Variants in KLHL1 observed in about 807,000 individuals in gnomAD.
The protein encoded by KLHL1 is kelch-like protein 1.
Under a neutral mutation model 77.7 loss-of-function variants are expected in KLHL1, and 47 were observed. That is an observed-to-expected ratio of 0.60 (90% CI 0.48 to 0.77). KLHL1 has a LOEUF of 0.77. KLHL1 is among the 30% of genes least tolerant of loss of function. The probability of loss-of-function intolerance (pLI) is 0.00; values close to 1 mark genes in which losing one functional copy is unlikely to be tolerated. For synonymous variants in KLHL1, 360 were observed against 325.2 expected, an observed-to-expected ratio of 1.11 and a Z score of -1.15; for missense variants, 925 against 910.8, an observed-to-expected ratio of 1.02 and a Z score of -0.20.
At chr13:69,949,117 G>A (rs56378647) in intron 3 of KLHL1, among the ~76,000 whole-genome samples, 2 of 151,480 alleles carry the variant, frequency 1.3e-5, no homozygotes, top group East Asian at 1.9e-4. Flanking sequence ...TCTTACATTC[G>A]TATGATATAC....
chr13:69,999,318 G>A (rs187401806), intron 1 of KLHL1, among the ~76,000 whole-genome samples: 1 of 150,040 alleles, frequency 6.7e-6, no homozygotes, highest in African/African-American at 2.4e-5. Flanking sequence ...ATCATCGGTG[G>A]TCACCTAAGT....
intron 3 of KLHL1, among the ~76,000 whole-genome samples, chr13:69,957,048 A>G (rs1369706919): frequency 1.3e-5 from 2 of 151,724 alleles, no homozygotes; most frequent in South Asian, 4.1e-4. Flanking sequence ...GACGCATGCA[A>G]TAACTCCTGA....
At chr13:69,961,252 G>A in intron 3 of KLHL1, 56 bp downstream of exon 3, 2 of 1,530,522 alleles carry the variant, frequency 1.3e-6, no homozygotes, top group Admixed American at 1.8e-5. Context: ...GTACTTAAAG[G>A]AAATGAGCTA....
intron 5 of KLHL1, among the ~76,000 whole-genome samples, chr13:69,873,410 A>G (rs936482072): frequency 9.2e-5 from 14 of 152,158 alleles, no homozygotes; most frequent in Non-Finnish European, 2.1e-4. Flanking sequence ...GTATTAGAGG[A>G]ACTTTGATAT....
At chr13:69,909,535 AT>A (rs1343281165) in intron 4 of KLHL1, among the ~76,000 whole-genome samples, 4 of 151,344 alleles carry the variant, frequency 2.6e-5, no homozygotes, top group African/African-American at 7.3e-5. Context: ...TTTGGGGATA[AT>A]TTTTTTTTAA....
intron 6 of KLHL1, among the ~76,000 whole-genome samples, chr13:69,818,929 C>G (rs998823751): frequency 3.3e-5 from 5 of 152,136 alleles, no homozygotes. Context: ...AAAAGTCATA[C>G]AGTATTTTAA....
chr13:69,771,298 T>C (rs1476902049), intron 7 of KLHL1, among the ~76,000 whole-genome samples: 1 of 149,806 alleles, frequency 6.7e-6, no homozygotes, highest in Non-Finnish European at 1.5e-5. Context: ...AAAAACATGC[T>C]CTTCTTCTTT....
chr13:69,925,061 A>G (rs7325599), intron 4 of KLHL1, among the ~76,000 whole-genome samples: 133,048 of 152,204 alleles, frequency 0.87, 59,191 homozygotes, highest in Non-Finnish European at 0.97. Context: ...TGGTAGTGCA[A>G]GCTGGGGACA....
chr13:69,754,667 A>G lies in KLHL1; in HGVS notation c.1640-14111T>C, dbSNP rs1874630728. On this transcript the variant is annotated intron_variant, in intron 7 of 10. Coordinates refer to ENST00000377844, the MANE Select transcript of KLHL1 (RefSeq NM_020866.3). ...CATATTGCCACTAGAAAAAAAAATC[A>G]TCCTAATACAAATGCCATCAGGCAC... 2.6e-5 allele frequency among the ~76,000 whole-genome samples: 4 copies of G among 152,256 alleles called. No homozygotes were observed. In the South Asian group the frequency reaches 6.2e-4, roughly 24 times the overall value.
Position 69,772,992 on chromosome 13 carries a change from A to G in KLHL1, c.1639+23746T>C, listed in dbSNP as rs143748728. On this transcript the variant is annotated intron_variant, in intron 7 of 10. Transcript: ENST00000377844. ...ATTCTTGAAAAGCAAGAATAATTTCAGGAAGATCCGAGTGAGAAAGCATTT... is the reference window on the plus strand; with the variant it reads ...ATTCTTGAAAAGCAAGAATAATTTCGGGAAGATCCGAGTGAGAAAGCATTT... Among the ~76,000 whole-genome samples the G allele has an allele frequency of 7.4e-4, 112 of 152,242 alleles. 1 individual carries two copies. Among genetic ancestry groups the G allele is most frequent in the African/African-American group, 2.6e-3 (110 of 41,578 alleles).
chr13:69,839,046 A>C lies in KLHL1; in HGVS notation c.1344T>G (p.Ser448Arg). The C allele has an allele frequency of 6.2e-7, 1 of 1,611,322 alleles. No homozygotes were observed. The highest frequency in any genetic ancestry group is 8.5e-7 in the Non-Finnish European group (1 of 1,178,412). Residue 448 changes from serine (S) to arginine (R), a missense_variant, in exon 6 of 11, where the codon AGT becomes AGG. Coordinates refer to ENST00000377844, the MANE Select transcript of KLHL1 (RefSeq NM_020866.3). The stretch of plus-strand genomic sequence containing the variant: ...TAGATTTTCTGGGTTTAGTTCTCGG[A>C]CTTTGCATTAAAGTTCTTCTTTCTG... ...LLPERRTLMQSPRTKPRKSTV... is the reference protein window; with the variant it reads ...LLPERRTLMQRPRTKPRKSTV...
chr13:69,964,957 C>T (rs1474678972), intron 2 of KLHL1, among the ~76,000 whole-genome samples: 1 of 151,928 alleles, frequency 6.6e-6, no homozygotes, highest in Non-Finnish European at 1.5e-5. Flanking sequence ...TACTATACTA[C>T]CCCCACAAAA....
intron 1 of KLHL1, among the ~76,000 whole-genome samples, chr13:70,099,292 C>T (rs1887868791): frequency 6.6e-6 from 1 of 151,294 alleles, no homozygotes; most frequent in Admixed American, 6.6e-5. Flanking sequence ...AAAATTCTGC[C>T]CCATTAATGT....
chr13:69,875,263 T>C (rs1423962763), intron 5 of KLHL1, among the ~76,000 whole-genome samples: 1 of 152,016 alleles, frequency 6.6e-6, no homozygotes, highest in South Asian at 2.1e-4. Flanking sequence ...AATAACTACA[T>C]ATTATGTTGG....
intron 2 of KLHL1, among the ~76,000 whole-genome samples, chr13:69,961,766 C>T (rs1459245966): frequency 6.6e-6 from 1 of 151,548 alleles, no homozygotes; most frequent in Non-Finnish European, 1.5e-5. Flanking sequence ...ACTTTCCCCC[C>T]TAAACTATCG....
chr13:69,800,567 CTTTTT>C (rs1049706791), intron 6 of KLHL1, among the ~76,000 whole-genome samples: 2 of 152,040 alleles, frequency 1.3e-5, no homozygotes, highest in African/African-American at 4.8e-5. Context: ...ATTTTGTCTT[CTTTTT>C]AAGAATAATA....
At chr13:69,874,523 C>G (rs1002607976) in intron 5 of KLHL1, among the ~76,000 whole-genome samples, 1 of 152,018 alleles carries the variant, frequency 6.6e-6, no homozygotes, top group East Asian at 1.9e-4. Context: ...ATTTAAATGG[C>G]CTTTGCTTTA....
At chr13:69,985,713 A>G (rs1002595245) in intron 1 of KLHL1, among the ~76,000 whole-genome samples, 1 of 149,442 alleles carries the variant, frequency 6.7e-6, no homozygotes, top group Non-Finnish European at 1.5e-5. Context: ...TTAACAATAG[A>G]CAAAATTGCT....
intron 4 of KLHL1, among the ~76,000 whole-genome samples, chr13:69,889,267 T>G (rs1401743133): frequency 6.6e-6 from 1 of 152,024 alleles, no homozygotes; most frequent in Non-Finnish European, 1.5e-5. Context: ...TTAATCCCTT[T>G]GTCAAAGTTG....
Sources: gnomAD v4.1 joint callset for allele counts (sites outside exome capture counted in the v4.1 genomes callset) on GRCh38, gnomAD v4.1.1 for gene constraint, MANE v1.5 for transcripts, NCBI Gene and HGNC (gene_info 2026-07-23, HGNC 2026-07-21) for gene names.